ZFP1: variants seen among roughly 807,000 people sequenced by gnomAD.
ZFP1 encodes ZFP1 zinc finger protein, also known as zinc finger protein 1 homolog.
A neutral mutation model predicts 38.5 loss-of-function variants in ZFP1; 32 were observed. That is an observed-to-expected ratio of 0.83 (90% CI 0.63 to 1.12). The LOEUF (loss-of-function observed/expected upper bound fraction) is 1.12, where lower values mean the gene tolerates loss of function less well. Ranked by LOEUF, ZFP1 falls within the 50% of genes most tolerant of loss-of-function variation. The pLI is 0.00. For synonymous variants in ZFP1, 245 were observed against 168.8 expected (o/e 1.45, Z -3.50); for missense variants, 616 against 480.8 (o/e 1.28, Z -2.63).
At chr16:75,167,055 C>T (rs150988380) in intron 3 of ZFP1, 159 bp downstream of exon 3, 1 of 1,363,632 alleles carries the variant, frequency 7.3e-7, no homozygotes, top group South Asian at 1.6e-5. Context: ...TCTATCATCT[C>T]CTTTCCTTTA....
chr16:75,161,714 C>A (rs2037785071), intron 2 of ZFP1, among the ~76,000 whole-genome samples: 1 of 109,148 alleles, frequency 9.2e-6, no homozygotes, highest in African/African-American at 3.6e-5. Context: ...TATAAGATTT[C>A]TTTATTTCAC....
intron 2 of ZFP1, among the ~76,000 whole-genome samples, chr16:75,159,034 C>A (rs2037612338): frequency 6.6e-6 from 1 of 151,440 alleles, no homozygotes; most frequent in African/African-American, 2.4e-5. Flanking sequence ...ATAGCTGGGA[C>A]TACAGGCACA....
chr16:75,144,770 T>A (rs2036925451), upstream of ZFP1, among the ~76,000 whole-genome samples: 2 of 152,250 alleles, frequency 1.3e-5, no homozygotes, highest in African/African-American at 4.8e-5. Context: ...CTATCCTAGG[T>A]ACGTCATATA....
At chr16:75,164,206 A>T (rs1011493061) in intron 2 of ZFP1, among the ~76,000 whole-genome samples, 4 of 152,312 alleles carry the variant, frequency 2.6e-5, no homozygotes, top group South Asian at 2.1e-4. Context: ...TGCCTCTTGT[A>T]AAAATTATAT....
intron 1 of ZFP1, 100 bp downstream of exon 1, chr16:75,148,743 G>A (rs554452573): frequency 1.3e-5 from 2 of 152,424 alleles, no homozygotes; most frequent in East Asian, 3.9e-4. Context: ...CCCAAACTTC[G>A]GCTACTCGTA....
the ZFP1 span, among the ~76,000 whole-genome samples, chr16:75,121,024 T>G: frequency 3.3e-5 from 5 of 152,192 alleles, no homozygotes; most frequent in African/African-American, 1.2e-4. Context: ...CATCACGTGT[T>G]CTAACCTCAT....
chr16:75,122,764 T>A, the ZFP1 span, among the ~76,000 whole-genome samples: 1 of 152,262 alleles, frequency 6.6e-6, no homozygotes, highest in Non-Finnish European at 1.5e-5. Flanking sequence ...GTTTCAAAGC[T>A]AAATTATAAG....
intron 2 of ZFP1, among the ~76,000 whole-genome samples, chr16:75,154,347 A>G (rs2037364589): frequency 6.6e-6 from 1 of 152,238 alleles, no homozygotes; most frequent in Non-Finnish European, 1.5e-5. Context: ...ATATTGAAGG[A>G]ACAGATAAAC....
the ZFP1 span, among the ~76,000 whole-genome samples, chr16:75,128,334 T>C: frequency 6.6e-6 from 1 of 152,258 alleles, no homozygotes; most frequent in Admixed American, 6.5e-5. Context: ...CTGAGATTCC[T>C]TCTCTGGGAC....
chr16:75,147,479 G>C (rs1019871277), upstream of ZFP1, among the ~76,000 whole-genome samples: 2 of 150,098 alleles, frequency 1.3e-5, no homozygotes, highest in Non-Finnish European at 3.0e-5. Context: ...AAGAGATGAG[G>C]TTTCACCATT....
At position 75,169,462 on chromosome 16, in the gene ZFP1, G is replaced by T; in HGVS notation, c.352G>T (p.Asp118Tyr). 6.2e-7 allele frequency: 1 copy of T among 1,612,664 alleles called. No individual in the cohort carries two copies. Among genetic ancestry groups the T allele is most frequent in the Non-Finnish European group, 8.5e-7 (1 of 1,179,718 alleles). ...LYEKTLKYNS[D>Y]LLNSNRSYAG... ...TGAAAAAACTTTGAAATATAATTCA[G>T]ACTTGCTTAATAGTAATAGAAGCTA... Residue 118 changes from aspartate to tyrosine, a missense_variant, in exon 4 of 4, where the codon GAC becomes TAC. Physicochemically the swap from Asp to Tyr is radical, Grantham distance 160 (BLOSUM62 -3). Transcript: ENST00000570010.
At chr16:75,148,254 G>C (rs537940308), upstream of ZFP1, among the ~76,000 whole-genome samples, 1 of 152,324 alleles carries the variant, frequency 6.6e-6, no homozygotes, top group East Asian at 1.9e-4. Flanking sequence ...TAAAAGCCAA[G>C]TTGTTGTATT....
At chr16:75,155,841 CTT>C (rs976719968) in intron 2 of ZFP1, among the ~76,000 whole-genome samples, 2 of 152,108 alleles carry the variant, frequency 1.3e-5, no homozygotes, top group Admixed American at 6.5e-5. Context: ...ATTAATATCA[CTT>C]ATAGTCTTAA....
Position 75,161,782 on chromosome 16 carries a change from T to A in ZFP1, c.16-4988T>A, listed in dbSNP as rs1266629838. On this transcript the variant is annotated intron_variant, in intron 2 of 3. Coordinates refer to ENST00000570010, the MANE Select transcript of ZFP1 (RefSeq NM_153688.4). ...AATATATATATATATATATTTTTTT[T>A]TTTTTTTTTTTTTTTTTTCCTGAGA... 8.7e-3 allele frequency among the ~76,000 whole-genome samples: 124 copies of A among 14,196 alleles called. 8 individuals are homozygous for A. In the South Asian group the frequency reaches 0.13, roughly 14 times the overall value. 9.3% of individuals were successfully genotyped at this position (14,196 alleles called of 152,430 possible).
chr16:75,139,368 C>CAAAAAAAAAA, the ZFP1 span, among the ~76,000 whole-genome samples: 1 of 42,744 alleles, frequency 2.3e-5, no homozygotes, highest in African/African-American at 1.1e-4. Context: ...GACTCCATCT[C>CAAAAAAAAAA]AAAAAAAAAA....
upstream of ZFP1, among the ~76,000 whole-genome samples, chr16:75,146,368 T>C (rs1340237440): frequency 1.3e-5 from 2 of 151,992 alleles, no homozygotes; most frequent in Non-Finnish European, 2.9e-5. Context: ...AGGGTTTCGC[T>C]GTGTTAGCCA....
the ZFP1 span, among the ~76,000 whole-genome samples, chr16:75,124,335 T>A: frequency 5.3e-5 from 8 of 150,556 alleles, no homozygotes; most frequent in African/African-American, 1.9e-4. Context: ...ATTCTGATAT[T>A]TTTTAGTAGA....
At chr16:75,160,563 G>A (rs533508505) in intron 2 of ZFP1, among the ~76,000 whole-genome samples, 83 of 151,658 alleles carry the variant, frequency 5.5e-4, no homozygotes, top group African/African-American at 2.0e-3. Context: ...GGTGGCTGAG[G>A]CACAAGAATC....
the ZFP1 span, among the ~76,000 whole-genome samples, chr16:75,126,697 C>G: frequency 6.6e-6 from 1 of 152,174 alleles, no homozygotes; most frequent in Non-Finnish European, 1.5e-5. Context: ...GCCAGCACGC[C>G]CAGCCAGTTA....
Sources: gnomAD v4.1 joint callset for allele counts (sites outside exome capture counted in the v4.1 genomes callset) on GRCh38, gnomAD v4.1.1 for gene constraint, MANE v1.5 for transcripts, NCBI Gene and HGNC (gene_info 2026-07-23, HGNC 2026-07-21) for gene names.